TENM3: variants seen among roughly 807,000 people sequenced by gnomAD.
TENM3 encodes teneurin-3.
A neutral mutation model predicts 255.1 loss-of-function variants in TENM3; 63 were observed. The ratio of observed to expected loss-of-function variants is 0.25; its 90% CI spans 0.20 to 0.30. The LOEUF (loss-of-function observed/expected upper bound fraction) is 0.30, where lower values mean the gene tolerates loss of function less well. Ranked by LOEUF, TENM3 falls within the 10% of genes least tolerant of loss-of-function variation. The probability of loss-of-function intolerance (pLI) is 1.00; values close to 1 mark genes in which losing one functional copy is unlikely to be tolerated. For missense variants in TENM3, 2,929 were observed against 3,461.1 expected, an observed-to-expected ratio of 0.85 and a Z score of 3.86; for synonymous variants, 1,306 against 1,322.3, an observed-to-expected ratio of 0.99 and a Z score of 0.27.
At chr4:181,515,959 T>C in the TENM3 span, among the ~76,000 whole-genome samples, 1 of 152,186 alleles carries the variant, frequency 6.6e-6, no homozygotes, top group African/African-American at 2.4e-5. Flanking sequence ...TGCTCATCAA[T>C]GGTAGATTGG....
At chr4:182,483,612 C>G (rs762500350) in intron 3 of TENM3, among the ~76,000 whole-genome samples, 6 of 152,114 alleles carry the variant, frequency 3.9e-5, no homozygotes, top group Non-Finnish European at 8.8e-5. Context: ...AGCAATATAA[C>G]AAGATTGTCA....
At chr4:182,699,713 C>G (rs1757699275) in intron 12 of TENM3, among the ~76,000 whole-genome samples, 1 of 151,884 alleles carries the variant, frequency 6.6e-6, no homozygotes, top group South Asian at 2.1e-4. Flanking sequence ...GAATAAAAGC[C>G]GAGTAAGTGA....
At chr4:182,078,965 C>T in the TENM3 span, among the ~76,000 whole-genome samples, 1 of 152,124 alleles carries the variant, frequency 6.6e-6, no homozygotes, top group Non-Finnish European at 1.5e-5. Context: ...ATTTTGAGAG[C>T]TGGTCTTAAT....
intron 24 of TENM3, among the ~76,000 whole-genome samples, chr4:182,785,995 A>T (rs1765622781): frequency 6.6e-6 from 1 of 152,238 alleles, no homozygotes; most frequent in African/African-American, 2.4e-5. Flanking sequence ...GGAAACAGTA[A>T]GAATGGTTAA....
chr4:182,049,209 G>A, the TENM3 span, among the ~76,000 whole-genome samples: 10 of 152,146 alleles, frequency 6.6e-5, no homozygotes, highest in South Asian at 6.2e-4. Context: ...GACACACTTC[G>A]TGAACAAAAG....
At chr4:182,240,655 C>A (rs1393991439), upstream of TENM3, among the ~76,000 whole-genome samples, 2 of 152,146 alleles carry the variant, frequency 1.3e-5, no homozygotes, top group Admixed American at 6.5e-5. Flanking sequence ...CCCTGCGAGT[C>A]CCGGCCCTGC....
At chr4:181,741,933 A>G in the TENM3 span, among the ~76,000 whole-genome samples, 1 of 152,198 alleles carries the variant, frequency 6.6e-6, no homozygotes, top group African/African-American at 2.4e-5. Flanking sequence ...TACACATAAT[A>G]TCATCAAACC....
the TENM3 span, among the ~76,000 whole-genome samples, chr4:181,724,440 C>T: frequency 1.3e-5 from 2 of 151,834 alleles, no homozygotes; most frequent in African/African-American, 2.4e-5. Flanking sequence ...ATTTTATTTT[C>T]TAATATACTA....
At chr4:182,767,490 G>C (rs753661366) in intron 22 of TENM3, among the ~76,000 whole-genome samples, 1 of 152,132 alleles carries the variant, frequency 6.6e-6, no homozygotes, top group Non-Finnish European at 1.5e-5. Flanking sequence ...TTTTGTTGTT[G>C]TTGGCCGTTA....
rs34681777 is a variant in TENM3 at position 182,590,538 on chromosome 4, CAAAA to C, written c.512-10366_512-10363del. 5.2e-3 allele frequency among the ~76,000 whole-genome samples: 417 copies of C among 79,976 alleles called. 3 individuals are homozygous for C. The highest frequency in any genetic ancestry group is 7.3e-3 in the Non-Finnish European group (327 of 44,588). 52.5% of individuals were successfully genotyped at this position (79,976 alleles called of 152,430 possible). A position where few individuals can be genotyped will look rare whatever the true frequency, so the allele number is the denominator to read the frequency against. ...CCAGCAATAGAGCGAGACCCTGTCT[CAAAA>C]AAAAAAAAAAAAAAAAAAAGAAAAA... On this transcript the variant is annotated intron_variant, in intron 3 of 27. Coordinates refer to ENST00000511685, the MANE Select transcript of TENM3 (RefSeq NM_001080477.4).
chr4:181,694,010 A>G, the TENM3 span, among the ~76,000 whole-genome samples: 90 of 152,290 alleles, frequency 5.9e-4, 1 homozygote, highest in Non-Finnish European at 6.5e-4. Context: ...TCTTAATCCC[A>G]CTAAGCTTTC....
the TENM3 span, among the ~76,000 whole-genome samples, chr4:181,563,947 G>A: frequency 1.3e-5 from 2 of 150,796 alleles, no homozygotes; most frequent in African/African-American, 4.9e-5. Flanking sequence ...CATAATATTT[G>A]TGTATTATAA....
At chr4:182,181,337 G>A (rs887004732) in intron 1 of TENM3, among the ~76,000 whole-genome samples, 1 of 152,188 alleles carries the variant, frequency 6.6e-6, no homozygotes, top group Non-Finnish European at 1.5e-5. Context: ...GAGTATGAAT[G>A]AGAACGGTCC....
intron 1 of TENM3, among the ~76,000 whole-genome samples, chr4:182,271,042 C>T (rs1440225118): frequency 6.6e-6 from 1 of 152,142 alleles, no homozygotes; most frequent in Non-Finnish European, 1.5e-5. Context: ...AAATACCTGC[C>T]TTCTTTAATT....
chr4:181,587,614 G>A, the TENM3 span, among the ~76,000 whole-genome samples: 3 of 152,124 alleles, frequency 2.0e-5, no homozygotes, highest in African/African-American at 7.2e-5. Flanking sequence ...CACCAGTAAC[G>A]GAAGAAATAA....
At chr4:181,788,030 C>A in the TENM3 span, among the ~76,000 whole-genome samples, 1 of 152,204 alleles carries the variant, frequency 6.6e-6, no homozygotes, top group Non-Finnish European at 1.5e-5. Flanking sequence ...CCAGCCACTT[C>A]GAGATCACTT....
At chr4:181,462,745 TC>T in the TENM3 span, among the ~76,000 whole-genome samples, 1 of 152,182 alleles carries the variant, frequency 6.6e-6, no homozygotes, top group South Asian at 2.1e-4. Flanking sequence ...ACCACACTTT[TC>T]CAGCTGAGTC....
chr4:182,109,179 T>G, the TENM3 span, among the ~76,000 whole-genome samples: 1 of 148,406 alleles, frequency 6.7e-6, no homozygotes. Context: ...ATATTTATAT[T>G]TTATATACAT....
chr4:182,230,145 A>C (rs932510926), intron 1 of TENM3, among the ~76,000 whole-genome samples: 2 of 151,516 alleles, frequency 1.3e-5, no homozygotes, highest in Non-Finnish European at 2.9e-5. Flanking sequence ...AAAAAAAAAA[A>C]AAATCTTCCC....
Sources: allele counts gnomAD v4.1 joint callset (sites outside exome capture counted in the v4.1 genomes callset), GRCh38; gene constraint gnomAD v4.1.1; transcripts MANE v1.5; gene names NCBI Gene and HGNC (gene_info 2026-07-23, HGNC 2026-07-21).